ADGRL2: variants seen among roughly 807,000 people sequenced by gnomAD.
The protein encoded by ADGRL2 is calcium-independent alpha-latrotoxin receptor 2.
In ADGRL2, 44 loss-of-function variants were observed where a neutral mutation model predicts 157.4. The observed-to-expected ratio is 0.28, with a 90% CI of 0.22 to 0.36. ADGRL2 has a LOEUF of 0.36. Among genes scored for constraint, ADGRL2 ranks in the 10% least tolerant of loss-of-function variants. ADGRL2 has a pLI of 1.00. For synonymous variants in ADGRL2, 585 were observed against 624.7 expected (o/e 0.94, Z 0.95); for missense variants, 1,510 against 1,768.9 (o/e 0.85, Z 2.63).
chr1:81,748,620 A>T (rs2085388859), intron 1 of ADGRL2, among the ~76,000 whole-genome samples: 3 of 151,646 alleles, frequency 2.0e-5, no homozygotes, highest in South Asian at 2.1e-4. Flanking sequence ...TGAATGATAA[A>T]TTTTTTTGTC....
intron 2 of ADGRL2, among the ~76,000 whole-genome samples, chr1:81,514,323 A>G (rs1003489018): frequency 1.3e-5 from 2 of 152,178 alleles, no homozygotes; most frequent in Non-Finnish European, 2.9e-5. Flanking sequence ...CCGCAGAAAG[A>G]AACCTCTAGG....
chr1:81,657,636 T>A (rs894049214), intron 3 of ADGRL2, among the ~76,000 whole-genome samples: 1 of 152,122 alleles, frequency 6.6e-6, no homozygotes, highest in African/African-American at 2.4e-5. Flanking sequence ...GGTGTGTGTG[T>A]GCATGTATGT....
chr1:81,327,919 G>A (rs1296359910), intron 1 of ADGRL2, among the ~76,000 whole-genome samples: 2 of 152,122 alleles, frequency 1.3e-5, no homozygotes, highest in Non-Finnish European at 2.9e-5. Flanking sequence ...CTTGCTCTGC[G>A]TTAGATTTGA....
intron 1 of ADGRL2, among the ~76,000 whole-genome samples, chr1:81,386,475 T>G (rs2076437870): frequency 6.6e-6 from 1 of 152,170 alleles, no homozygotes; most frequent in Admixed American, 6.6e-5. Flanking sequence ...GTGCATCCAA[T>G]ACCAGATGAA....
intron 2 of ADGRL2, among the ~76,000 whole-genome samples, chr1:81,559,997 ATAT>A (rs1345457726): frequency 1.3e-5 from 2 of 152,192 alleles, no homozygotes; most frequent in Non-Finnish European, 2.9e-5. Context: ...AAAGATCAAA[ATAT>A]TATGATAATT....
chr1:81,763,781 C>A (rs149900016), intron 2 of ADGRL2, among the ~76,000 whole-genome samples: 2 of 137,134 alleles, frequency 1.5e-5, no homozygotes, highest in Non-Finnish European at 3.2e-5. Context: ...CGGAGGCGGG[C>A]GGATTACCTG....
intron 3 of ADGRL2, among the ~76,000 whole-genome samples, chr1:81,655,945 G>T (rs1035698626): frequency 2.0e-5 from 3 of 152,162 alleles, no homozygotes; most frequent in African/African-American, 7.2e-5. Flanking sequence ...GGGTTCAAAG[G>T]TTCAGGACTG....
intron 1 of ADGRL2, among the ~76,000 whole-genome samples, chr1:81,438,057 G>A (rs561277955): frequency 8.1e-5 from 12 of 149,060 alleles, no homozygotes; most frequent in Non-Finnish European, 1.2e-4. Context: ...AAAAAAAGCT[G>A]TATCCATTCC....
At chr1:81,408,905 T>C (rs1255183577) in intron 1 of ADGRL2, among the ~76,000 whole-genome samples, 1 of 152,240 alleles carries the variant, frequency 6.6e-6, no homozygotes, top group Non-Finnish European at 1.5e-5. Context: ...TACCAATGTA[T>C]GACTTTCTAT....
chr1:81,754,015 G>A (rs529463108), intron 1 of ADGRL2, among the ~76,000 whole-genome samples: 1 of 152,248 alleles, frequency 6.6e-6, no homozygotes, highest in South Asian at 2.1e-4. Flanking sequence ...GACAAGGGGA[G>A]TGGGGTCCTT....
At chr1:81,416,166 T>G (rs759714058) in intron 1 of ADGRL2, among the ~76,000 whole-genome samples, 3 of 152,086 alleles carry the variant, frequency 2.0e-5, no homozygotes, top group Admixed American at 6.6e-5. Flanking sequence ...CTTTTCCTTA[T>G]TGCTAAAACA....
At chr1:81,650,295 G>T (rs964169433) in intron 3 of ADGRL2, among the ~76,000 whole-genome samples, 4 of 152,034 alleles carry the variant, frequency 2.6e-5, no homozygotes, top group African/African-American at 9.7e-5. Flanking sequence ...TTGTGGGCCG[G>T]GCCCCCTGGC....
chr1:81,942,176 A>G, intron 5 of ADGRL2, 131 bp downstream of exon 5: 2 of 467,524 alleles, frequency 4.3e-6, no homozygotes, highest in Non-Finnish European at 7.9e-6. Flanking sequence ...CCACCTCATA[A>G]GGAAGTCAAC....
intron 2 of ADGRL2, among the ~76,000 whole-genome samples, chr1:81,500,984 C>T (rs572646766): frequency 6.6e-6 from 1 of 152,256 alleles, no homozygotes; most frequent in East Asian, 1.9e-4. Context: ...AGTCAGATCT[C>T]CAAATTGTGG....
intron 1 of ADGRL2, among the ~76,000 whole-genome samples, chr1:81,436,273 G>A (rs1452932263): frequency 6.6e-6 from 1 of 152,072 alleles, no homozygotes; most frequent in Non-Finnish European, 1.5e-5. Context: ...ACTTGCCGAC[G>A]ACATCACGGT....
chr1:81,651,172 T>C (rs2082412826), intron 3 of ADGRL2, among the ~76,000 whole-genome samples: 1 of 152,146 alleles, frequency 6.6e-6, no homozygotes, highest in South Asian at 2.1e-4. Context: ...ATTTGCAAAA[T>C]AGCTTGGAAA....
chr1:81,839,470 G>A (rs1024160210), intron 2 of ADGRL2, among the ~76,000 whole-genome samples: 5 of 152,014 alleles, frequency 3.3e-5, no homozygotes, highest in Admixed American at 3.3e-4. Context: ...AGATTCTGGT[G>A]CACCCATCAC....
At chr1:81,732,916 G>C (rs1272476311) in intron 1 of ADGRL2, among the ~76,000 whole-genome samples, 1 of 151,976 alleles carries the variant, frequency 6.6e-6, no homozygotes, top group African/African-American at 2.4e-5. Context: ...CTTATGATAA[G>C]GGTTTTTATT....
At chr1:81,552,022 A>T (rs937696854) in intron 2 of ADGRL2, among the ~76,000 whole-genome samples, 5 of 152,076 alleles carry the variant, frequency 3.3e-5, no homozygotes, top group Non-Finnish European at 5.9e-5. Context: ...GGCCTATTTT[A>T]TTTGAATCTG....
Sources: allele counts gnomAD v4.1 joint callset (sites outside exome capture counted in the v4.1 genomes callset), GRCh38; gene constraint gnomAD v4.1.1; transcripts MANE v1.5; gene names NCBI Gene and HGNC (gene_info 2026-07-23, HGNC 2026-07-21).